OSBPL10: variants seen among roughly 807,000 people sequenced by gnomAD.
The protein encoded by OSBPL10 is oxysterol binding protein like 10.
A neutral mutation model predicts 81.7 loss-of-function variants in OSBPL10; 49 were observed. The observed-to-expected ratio is 0.60, with a 90% confidence interval of 0.48 to 0.76. The LOEUF is 0.76. Among genes scored for constraint, OSBPL10 ranks in the 30% least tolerant of loss-of-function variants. The pLI is 0.00. For missense variants in OSBPL10, 923 were observed against 987.8 expected, an observed-to-expected ratio of 0.93 and a Z score of 0.88; for synonymous variants, 419 against 383.6, an observed-to-expected ratio of 1.09 and a Z score of -1.08.
At chr3:31,949,768 G>A (rs1697818091) in intron 1 of OSBPL10, among the ~76,000 whole-genome samples, 1 of 149,778 alleles carries the variant, frequency 6.7e-6, no homozygotes, top group Non-Finnish European at 1.5e-5. Context: ...ATTGAGAGAG[G>A]TAACTTCTGA....
intron 8 of OSBPL10, among the ~76,000 whole-genome samples, chr3:31,676,134 G>T (rs1700468074): frequency 6.6e-6 from 1 of 151,866 alleles, no homozygotes; most frequent in Admixed American, 6.6e-5. Flanking sequence ...CCTGGGGGAG[G>T]TCAGTGAGCC....
intron 4 of OSBPL10, among the ~76,000 whole-genome samples, chr3:31,822,913 T>TAAACAAAAAAAAA (rs1700013284): frequency 1.1e-5 from 1 of 89,146 alleles, no homozygotes; most frequent in Non-Finnish European, 2.3e-5. Context: ...CCCCCAACTC[T>TAAACAAAAAAAAA]AAAAAAAAAA....
At chr3:31,963,033 T>C (rs1323984423) in intron 1 of OSBPL10, among the ~76,000 whole-genome samples, 5 of 152,140 alleles carry the variant, frequency 3.3e-5, no homozygotes, top group Non-Finnish European at 7.4e-5. Flanking sequence ...GTTTCCTTGT[T>C]TTCTGTTTTT....
intron 7 of OSBPL10, among the ~76,000 whole-genome samples, chr3:31,694,759 GTTTT>G: frequency 6.6e-6 from 1 of 152,050 alleles, no homozygotes; most frequent in Non-Finnish European, 1.5e-5. Context: ...TTGTTTGTTT[GTTTT>G]GTTTTTTTGA....
chr3:31,742,887 C>G (rs185642500), intron 5 of OSBPL10, among the ~76,000 whole-genome samples: 35 of 152,212 alleles, frequency 2.3e-4, no homozygotes, highest in African/African-American at 7.5e-4. Flanking sequence ...ACGGGGAAGG[C>G]ACACATCTAG....
rs112212151 is a variant in OSBPL10 at position 31,744,317 on chromosome 3, G to C, written c.940+3593C>G. Among the ~76,000 whole-genome samples the C allele has an allele frequency of 5.1e-3, 770 of 152,242 alleles. 8 individuals carry two copies. The highest frequency in any genetic ancestry group is 0.017 in the African/African-American group (727 of 41,548). Reference sequence around the variant, plus strand: ...GCACTTTGGGAGGCCAAGGCGGATGGATCACCTGAGGTCAGGAGTTTGAGA... The same window carrying C: ...GCACTTTGGGAGGCCAAGGCGGATGCATCACCTGAGGTCAGGAGTTTGAGA... On this transcript the variant is annotated intron_variant, in intron 5 of 11. Transcript: ENST00000396556.
At chr3:31,851,437 C>T (rs1454683914) in intron 3 of OSBPL10, among the ~76,000 whole-genome samples, 1 of 152,162 alleles carries the variant, frequency 6.6e-6, no homozygotes, top group African/African-American at 2.4e-5. Flanking sequence ...AGCCTCTCCC[C>T]GCATCTGCCC....
At chr3:31,951,259 A>T (rs1697861187) in intron 1 of OSBPL10, among the ~76,000 whole-genome samples, 1 of 152,216 alleles carries the variant, frequency 6.6e-6, no homozygotes, top group South Asian at 2.1e-4. Context: ...TCAATTTTGG[A>T]AACAAAACGG....
intron 2 of OSBPL10, among the ~76,000 whole-genome samples, chr3:32,042,748 G>A (rs1699590010): frequency 6.6e-6 from 1 of 152,132 alleles, no homozygotes; most frequent in Non-Finnish European, 1.5e-5. Flanking sequence ...TTCAAAAGGG[G>A]AGGGGGTGCA....
intron 1 of OSBPL10, among the ~76,000 whole-genome samples, chr3:31,891,460 T>C (rs76742664): frequency 0.2 from 30,645 of 152,154 alleles, 3,406 homozygotes; most frequent in Non-Finnish European, 0.25. Flanking sequence ...TTTCCACATT[T>C]GCAAAAACAA....
At chr3:31,896,007 A>G (rs1575603944) in intron 1 of OSBPL10, among the ~76,000 whole-genome samples, 2 of 152,328 alleles carry the variant, frequency 1.3e-5, no homozygotes, top group East Asian at 3.9e-4. Flanking sequence ...ACCTATACAC[A>G]CACACAGTAC....
At chr3:31,938,561 T>C (rs1046958300) in intron 1 of OSBPL10, among the ~76,000 whole-genome samples, 2 of 152,084 alleles carry the variant, frequency 1.3e-5, no homozygotes, top group Admixed American at 1.3e-4. Context: ...CAGGCTGGAG[T>C]GCAGTGGTGC....
At chr3:31,978,251 C>T (rs1698738361) in intron 1 of OSBPL10, among the ~76,000 whole-genome samples, 1 of 152,078 alleles carries the variant, frequency 6.6e-6, no homozygotes, top group African/African-American at 2.4e-5. Flanking sequence ...TTGAAAAGAA[C>T]TGCCAAAGGA....
intron 2 of OSBPL10, among the ~76,000 whole-genome samples, chr3:32,038,625 A>G (rs1414583042): frequency 3.3e-5 from 5 of 152,082 alleles, no homozygotes; most frequent in Admixed American, 3.3e-4. Flanking sequence ...CCCAGCCAGA[A>G]AAAGCAAATT....
At chr3:31,792,909 T>TGTGTGTGTGTG (rs1699068211) in intron 4 of OSBPL10, among the ~76,000 whole-genome samples, 2 of 144,086 alleles carry the variant, frequency 1.4e-5, no homozygotes, top group African/African-American at 2.6e-5. Flanking sequence ...TGTGTGTGTG[T>TGTGTGTGTGTG]TGTAGATGCT....
intron 6 of OSBPL10, among the ~76,000 whole-genome samples, chr3:31,721,189 G>A (rs1044433751): frequency 2.1e-4 from 32 of 152,128 alleles, no homozygotes; most frequent in Non-Finnish European, 3.8e-4. Flanking sequence ...TCTAGAAGCT[G>A]GGAAAGCCAA....
At chr3:31,719,258 G>A (rs2125634073) in intron 6 of OSBPL10, among the ~76,000 whole-genome samples, 1 of 152,282 alleles carries the variant, frequency 6.6e-6, no homozygotes, top group Non-Finnish European at 1.5e-5. Context: ...AATCATGTTT[G>A]TTGTTACTGC....
intron 1 of OSBPL10, among the ~76,000 whole-genome samples, chr3:31,978,193 T>G (rs4383559): frequency 6.6e-6 from 1 of 151,950 alleles, no homozygotes; most frequent in Non-Finnish European, 1.5e-5. Flanking sequence ...CCTGAGAGGA[T>G]GAACCAAGAA....
intron 2 of OSBPL10, among the ~76,000 whole-genome samples, chr3:32,045,177 G>C (rs1699610877): frequency 1.3e-5 from 2 of 152,208 alleles, no homozygotes; most frequent in African/African-American, 2.4e-5. Context: ...ATGGAGCATA[G>C]ATTGCTTTTC....
Sources: allele counts gnomAD v4.1 joint callset (sites outside exome capture counted in the v4.1 genomes callset), GRCh38; gene constraint gnomAD v4.1.1; transcripts MANE v1.5; gene names NCBI Gene and HGNC (gene_info 2026-07-23, HGNC 2026-07-21).